Variants in MARCHF3 observed in about 807,000 individuals in gnomAD.
MARCHF3 encodes the protein E3 ubiquitin-protein ligase MARCHF3.
Under a neutral mutation model 24.2 loss-of-function variants are expected in MARCHF3, and 13 were observed. The observed-to-expected ratio is 0.54, with a 90% CI of 0.35 to 0.85. The LOEUF (loss-of-function observed/expected upper bound fraction) is 0.85. Among genes scored for constraint, MARCHF3 ranks in the 40% least tolerant of loss-of-function variants. The probability of loss-of-function intolerance (pLI) is 0.01; values close to 1 mark genes in which losing one functional copy is unlikely to be tolerated. For missense variants in MARCHF3, 276 were observed against 325.0 expected, an observed-to-expected ratio of 0.85 and a Z score of 1.16; for synonymous variants, 144 against 137.3, an observed-to-expected ratio of 1.05 and a Z score of -0.34.
intron 1 of MARCHF3, among the ~76,000 whole-genome samples, chr5:126,920,473 G>A (rs887828538): frequency 7.9e-5 from 12 of 152,268 alleles, no homozygotes; most frequent in African/African-American, 2.9e-4. Context: ...GGGGTGTATT[G>A]GCAGGAAAAG....
chr5:126,912,935 T>G lies in MARCHF3; in HGVS notation c.393+1995A>C, dbSNP rs760177383. Among the ~76,000 whole-genome samples the G allele has an allele frequency of 1.8e-4, 27 of 152,220 alleles. 2 individuals are homozygous for G. Among genetic ancestry groups the G allele is most frequent in the Admixed American group, 1.6e-3 (25 of 15,280 alleles). On this transcript the variant is annotated intron_variant, in intron 3 of 4. Transcript: ENST00000308660. The stretch of plus-strand genomic sequence containing the variant: ...ATCACTGGTGACCGTTTGGGTGAAG[T>G]TTTTGTAGGCGAGGCCCTAAATCTT...
intron 1 of MARCHF3, among the ~76,000 whole-genome samples, chr5:126,943,907 G>A (rs1020978472): frequency 3.9e-5 from 6 of 151,992 alleles, no homozygotes; most frequent in Admixed American, 3.9e-4. Flanking sequence ...TGCTTCCCGG[G>A]TTCAAGCAAT....
chr5:126,878,946 A>G (rs1753261827), intron 3 of MARCHF3, among the ~76,000 whole-genome samples: 1 of 152,228 alleles, frequency 6.6e-6, no homozygotes, highest in African/African-American at 2.4e-5. Flanking sequence ...CAATACTAGT[A>G]TGATGAGACA....
chr5:126,997,438 A>G (rs1436486286), intron 1 of MARCHF3, among the ~76,000 whole-genome samples: 2 of 152,150 alleles, frequency 1.3e-5, no homozygotes, highest in African/African-American at 4.8e-5. Context: ...ACGGACATGG[A>G]AGGGAAGTCA....
In MARCHF3 at chr5:126,903,293, TAGAG is replaced by T. The variant is rs140336464; in HGVS notation, c.393+11633_393+11636del. ...AAGCAAAAGGCAAGGCCTGGGGAAATAGAGAGAGCATGTCCCACCCAAAGGCATT... is the reference window on the plus strand; with the variant it reads ...AAGCAAAAGGCAAGGCCTGGGGAAATAGAGCATGTCCCACCCAAAGGCATT... On this transcript the variant is annotated intron_variant, in intron 3 of 4. Transcript: ENST00000308660. 9.9e-3 allele frequency among the ~76,000 whole-genome samples: 1,498 copies of T among 151,790 alleles called. 37 individuals carry two copies. Among genetic ancestry groups the T allele is most frequent in the African/African-American group, 0.035 (1,437 of 41,308 alleles).
At position 126,925,537 on chromosome 5, in the gene MARCHF3, T is replaced by G. The variant is rs74861177; in HGVS notation, c.-56-7310A>C. Among the ~76,000 whole-genome samples the G allele has an allele frequency of 4.4e-3, 667 of 152,324 alleles. 38 individuals carry two copies. In the East Asian group the frequency reaches 0.11, roughly 24 times the overall value. ...AAGTACTTATGAAATTAATTCAGAT[T>G]TTGGAGGCTATCCATTTTTCATTTA... On this transcript the variant is annotated intron_variant, in intron 1 of 4. Coordinates refer to ENST00000308660, the MANE Select transcript of MARCHF3 (RefSeq NM_178450.5).
chr5:126,938,807 T>A (rs1749731000), intron 1 of MARCHF3, among the ~76,000 whole-genome samples: 1 of 152,210 alleles, frequency 6.6e-6, no homozygotes, highest in Admixed American at 6.5e-5. Context: ...TCACTTCACA[T>A]GTGCATTACA....
chr5:126,917,745 C>A (rs1197561939), intron 2 of MARCHF3, among the ~76,000 whole-genome samples: 2 of 152,196 alleles, frequency 1.3e-5, no homozygotes, highest in African/African-American at 4.8e-5. Flanking sequence ...CCTTCCCCTC[C>A]TGGCTCTTTG....
Position 127,016,636 on chromosome 5 carries a change from T to C in MARCHF3, c.-57+13714A>G, listed in dbSNP as rs112021575. ...AGATGCTGGAGAGGATGTGGAGAAA[T>C]AGGAATGCTTTTACACTGTTGGTGG... On this transcript the variant is annotated intron_variant, in intron 1 of 4. Transcript: ENST00000308660. 3.6e-3 allele frequency among the ~76,000 whole-genome samples: 546 copies of C among 152,224 alleles called. 5 individuals are homozygous for C. Among genetic ancestry groups the C allele is most frequent in the African/African-American group, 0.012 (513 of 41,528 alleles).
chr5:126,954,829 T>C (rs1402901155), intron 1 of MARCHF3, among the ~76,000 whole-genome samples: 1 of 152,140 alleles, frequency 6.6e-6, no homozygotes, highest in Non-Finnish European at 1.5e-5. Flanking sequence ...TTAAGTCTCC[T>C]GTTTCCCAAT....
chr5:126,870,983 C>T (rs1485763100), intron 4 of MARCHF3, among the ~76,000 whole-genome samples, 192 bp from the exon 5 acceptor site: 2 of 152,218 alleles, frequency 1.3e-5, no homozygotes, highest in African/African-American at 4.8e-5. Flanking sequence ...AAAGAGCACC[C>T]TATGTGTGGA....
At chr5:126,895,491 G>T (rs1753852466) in intron 3 of MARCHF3, among the ~76,000 whole-genome samples, 2 of 151,950 alleles carry the variant, frequency 1.3e-5, no homozygotes, top group African/African-American at 2.4e-5. Flanking sequence ...TGGGTTTTTG[G>T]TGTGGATGTC....
intron 1 of MARCHF3, among the ~76,000 whole-genome samples, chr5:126,938,188 G>C (rs1011046405): frequency 3.0e-5 from 1 of 33,654 alleles, no homozygotes; most frequent in Non-Finnish European, 6.0e-5. Flanking sequence ...TTTTTTTTTT[G>C]AGACAGTCTT....
At chr5:126,960,762 A>G (rs1750613563) in intron 1 of MARCHF3, among the ~76,000 whole-genome samples, 1 of 152,168 alleles carries the variant, frequency 6.6e-6, no homozygotes. Context: ...GCATTAAAAA[A>G]GAGAGAACTG....
intron 1 of MARCHF3, among the ~76,000 whole-genome samples, chr5:126,985,632 C>T (rs1476448012): frequency 6.7e-6 from 1 of 150,244 alleles, no homozygotes; most frequent in African/African-American, 2.5e-5. Flanking sequence ...CCACGCCTGG[C>T]TAATTTTTTT....
chr5:126,943,015 G>A (rs1026264845), intron 1 of MARCHF3, among the ~76,000 whole-genome samples: 3 of 152,230 alleles, frequency 2.0e-5, no homozygotes, highest in Admixed American at 6.5e-5. Context: ...GCCAGGTGCA[G>A]TGGCTCATGC....
At chr5:126,971,505 C>A (rs527847850) in intron 1 of MARCHF3, among the ~76,000 whole-genome samples, 4 of 151,992 alleles carry the variant, frequency 2.6e-5, no homozygotes, top group Non-Finnish European at 5.9e-5. Context: ...GACCCTATCC[C>A]CAACATCCTT....
chr5:127,016,232 G>C lies in MARCHF3; in HGVS notation c.-57+14118C>G, dbSNP rs147748583. Among the ~76,000 whole-genome samples the C allele has an allele frequency of 3.8e-3, 582 of 152,180 alleles. 1 individual carries two copies. Among genetic ancestry groups the C allele is most frequent in the Non-Finnish European group, 4.6e-3 (311 of 68,014 alleles). On this transcript the variant is annotated intron_variant, in intron 1 of 4. Coordinates refer to ENST00000308660, the MANE Select transcript of MARCHF3 (RefSeq NM_178450.5). Reference sequence around the variant, plus strand: ...CTGTGGGACTTAGAACACATTCCCTGCAGACAAGGGTGAACTACTGTTATG... The same window carrying C: ...CTGTGGGACTTAGAACACATTCCCTCCAGACAAGGGTGAACTACTGTTATG...
chr5:126,882,500 G>A (rs1753377660), intron 3 of MARCHF3, among the ~76,000 whole-genome samples: 1 of 152,114 alleles, frequency 6.6e-6, no homozygotes, highest in Admixed American at 6.5e-5. Flanking sequence ...TGACCTCCTC[G>A]ATTACTGTTC....
Sources: gnomAD v4.1 joint callset for allele counts (sites outside exome capture counted in the v4.1 genomes callset) on GRCh38, gnomAD v4.1.1 for gene constraint, MANE v1.5 for transcripts, NCBI Gene and HGNC (gene_info 2026-07-23, HGNC 2026-07-21) for gene names.